The following ADAM28 variants were observed in gnomAD, a reference collection of about 807,000 sequenced individuals.
The protein encoded by ADAM28 is ADAM metallopeptidase domain 28.
In ADAM28, 105 loss-of-function variants were observed where a neutral mutation model predicts 101.2. The observed-to-expected ratio is 1.04, with a 90% CI of 0.89 to 1.22. The LOEUF is 1.22. ADAM28 is among the 50% of genes most tolerant of loss of function. ADAM28 has a pLI of 0.00. For missense variants in ADAM28, 1,028 were observed against 945.4 expected (o/e 1.09, Z -1.15); for synonymous variants, 322 against 310.6 (o/e 1.04, Z -0.39).
intron 8 of ADAM28, among the ~76,000 whole-genome samples, chr8:24,322,876 T>C (rs1249344498): frequency 6.6e-6 from 1 of 151,986 alleles, no homozygotes; most frequent in East Asian, 1.9e-4. Flanking sequence ...TTAGAAACTA[T>C]AGTAGTAATT....
chr8:24,304,206 A>T (rs1809238423), intron 2 of ADAM28, among the ~76,000 whole-genome samples: 1 of 149,518 alleles, frequency 6.7e-6, no homozygotes, highest in Non-Finnish European at 1.5e-5. Flanking sequence ...AAAGCCATAG[A>T]CTAGTTACTG....
rs1262247024 is a variant in ADAM28 at position 24,298,191 on chromosome 8, T to TA, written c.47-1775dup. Among the ~76,000 whole-genome samples the TA allele has an allele frequency of 4.6e-5, 7 of 151,904 alleles. No homozygotes were observed. The South Asian group carries it at 6.2e-4, about 14-fold the overall frequency. On this transcript the variant is annotated intron_variant, in intron 1 of 22. Transcript: ENST00000265769. The stretch of plus-strand genomic sequence containing the variant: ...AAACTATTTAAAGACTCAAACCAAA[T>TA]AAAAAAAATAAGGTATTCTAATGTC...
intron 6 of ADAM28, among the ~76,000 whole-genome samples, chr8:24,319,554 A>T (rs1811599588): frequency 6.6e-6 from 1 of 151,952 alleles, no homozygotes; most frequent in South Asian, 2.1e-4. Flanking sequence ...TTGTAATCGA[A>T]CTTTAGTTAC....
chr8:24,309,572 G>A (rs369308957), intron 2 of ADAM28, among the ~76,000 whole-genome samples: 11 of 152,084 alleles, frequency 7.2e-5, no homozygotes, highest in Admixed American at 3.9e-4. Context: ...CTGACAGTAC[G>A]TACCAATTTT....
At chr8:24,341,557 T>G in intron 15 of ADAM28, 41 bp from the exon 16 acceptor site, 1 of 1,594,162 alleles carries the variant, frequency 6.3e-7, no homozygotes, top group Non-Finnish European at 8.6e-7. Context: ...TATGTAAAAC[T>G]GCAATTTGAA....
At chr8:24,311,755 A>G (rs1563277830) in intron 5 of ADAM28, among the ~76,000 whole-genome samples, 1 of 151,918 alleles carries the variant, frequency 6.6e-6, no homozygotes, top group Admixed American at 6.6e-5. Flanking sequence ...TTACTCATTG[A>G]TTTAGATGGA....
At chr8:24,353,653 G>T in intron 21 of ADAM28, 117 bp from the exon 22 acceptor site, 2 of 745,300 alleles carry the variant, frequency 2.7e-6, no homozygotes, top group South Asian at 3.6e-5. Context: ...AAGTTGGGTA[G>T]AATTTAAATG....
Position 24,350,090 on chromosome 8 carries a change from T to C in ADAM28, c.2099+118T>C, listed in dbSNP as rs1815898333. 8.6e-6 allele frequency: 7 copies of C among 815,680 alleles called. No homozygotes were observed. In the East Asian group the frequency reaches 2.0e-4, roughly 23 times the overall value. 50.5% of individuals were successfully genotyped at this position (815,680 alleles called of 1,614,324 possible). On this transcript the variant is annotated intron_variant, in intron 19 of 22. Transcript: ENST00000265769. ...TTGGTTTACTTCTAATATTCAGAAA[T>C]ACATGCAGATGGTCTTTTTGGACGA...
At chr8:24,301,931 G>A (rs1410393548) in intron 2 of ADAM28, among the ~76,000 whole-genome samples, 3 of 152,016 alleles carry the variant, frequency 2.0e-5, no homozygotes, top group South Asian at 2.1e-4. Flanking sequence ...ATAACTTTTT[G>A]TCTTTTTGAA....
chr8:24,316,192 A>T (rs1348679003), intron 6 of ADAM28, among the ~76,000 whole-genome samples: 2 of 151,920 alleles, frequency 1.3e-5, no homozygotes, highest in African/African-American at 4.8e-5. Flanking sequence ...GCAGCTAGGA[A>T]CATGTTTTTC....
At chr8:24,343,450 G>A (rs1016898756) in intron 17 of ADAM28, 56 bp from the exon 18 acceptor site, 9 of 1,536,262 alleles carry the variant, frequency 5.9e-6, no homozygotes, top group Admixed American at 1.7e-5. Flanking sequence ...GATGAGTAGG[G>A]CCTTGAGTTT....
Position 24,323,824 on chromosome 8 carries a change from C to A in ADAM28, c.721-10C>A, listed in dbSNP as rs200414893. The A allele has an allele frequency of 4.0e-5, 64 of 1,596,400 alleles. No individual in the cohort carries two copies. The highest frequency in any genetic ancestry group is 1.8e-5 in the Admixed American group (1 of 56,780). ...AATTAATTGCTTTGCCATTTATTTT[C>A]TTTGGACAGCTTTATAAAAAGCTCA... On this transcript the variant is annotated splice_polypyrimidine_tract_variant and intron_variant, in intron 8 of 22. Coordinates refer to ENST00000265769, the MANE Select transcript of ADAM28 (RefSeq NM_014265.6).
chr8:24,310,673 G>A (rs1427270721), intron 4 of ADAM28, among the ~76,000 whole-genome samples: 1 of 152,088 alleles, frequency 6.6e-6, no homozygotes, highest in Non-Finnish European at 1.5e-5. Context: ...CTTAGACTGA[G>A]CAGATGACAG....
At chr8:24,336,472 C>T (rs1814074775) in intron 14 of ADAM28, among the ~76,000 whole-genome samples, 1 of 148,168 alleles carries the variant, frequency 6.7e-6, no homozygotes, top group Non-Finnish European at 1.5e-5. Context: ...CCCAGCTACT[C>T]GGGAGGCTGA....
chr8:24,299,091 G>C (rs979896211), intron 1 of ADAM28, among the ~76,000 whole-genome samples: 2 of 152,086 alleles, frequency 1.3e-5, no homozygotes, highest in Admixed American at 1.3e-4. Flanking sequence ...TACTCTGGAG[G>C]CTGAGGTGGA....
rs1816655649 is a variant in ADAM28 at position 24,355,945 on chromosome 8, T to C, written c.*1541T>C. ...TTCTTGTATTTGTCTGCTTCACCCA[T>C]TTCTATCAATCACTTACCTGGTCCC... On this transcript the variant is annotated 3_prime_UTR_variant, in exon 23 of 23. Transcript: ENST00000265769. 2 of 152,172 alleles carry C rather than the reference T, an allele frequency of 1.3e-5. No individual in the cohort carries two copies. Among genetic ancestry groups the C allele is most frequent in the African/African-American group, 2.4e-5 (1 of 41,434 alleles). The allele number at this position is 152,172 out of a possible 1,614,324, so 9.4% of individuals were successfully genotyped here.
intron 11 of ADAM28, 26 bp downstream of exon 11, chr8:24,330,141 A>C: frequency 6.2e-7 from 1 of 1,606,650 alleles, no homozygotes. Flanking sequence ...CCCTGGGGAC[A>C]TGCTATGTAG....
rs997301932 is a variant in ADAM28, at chr8:24,352,002, C to A, written c.2194C>A (p.Pro732Thr). Residue 732 changes from proline (P) to threonine (T), a missense_variant, in exon 21 of 23, where the codon CCC becomes ACC. Pro to Thr is a conservative substitution (Grantham distance 38, BLOSUM62 -1). Coordinates refer to ENST00000265769, the MANE Select transcript of ADAM28 (RefSeq NM_014265.6). ...VQPQEMSQMKPHVYDLPVEGN... is the reference protein window; with the variant it reads ...VQPQEMSQMKTHVYDLPVEGN... Reference sequence around the variant, plus strand: ...TTCTTTTCAGATGAGTCAGATGAAGCCCCATGTGTATGATCTGCCAGTAGA... The same window carrying A: ...TTCTTTTCAGATGAGTCAGATGAAGACCCATGTGTATGATCTGCCAGTAGA... The A allele has an allele frequency of 6.2e-7, 1 of 1,613,482 alleles. No homozygotes were observed. Among genetic ancestry groups the A allele is most frequent in the South Asian group, 1.1e-5 (1 of 91,076 alleles).
Position 24,311,427 on chromosome 8 carries a change from A to G in ADAM28, c.373A>G (p.Arg125Gly), listed in dbSNP as rs1213046443. 4.3e-6 allele frequency: 7 copies of G among 1,612,544 alleles called. No homozygotes were observed. Among genetic ancestry groups the G allele is most frequent in the African/African-American group, 1.3e-5 (1 of 74,836 alleles). ...TTCTGACGCTAGCATCAGCACATGT[A>G]GGGGTCTAAGGTAAGACTTCAGGAA... ...KVSDASISTC[R>G]GLRGYFSQGD... The change falls in exon 5 of 23, where the codon AGG becomes GGG. Residue 125 changes from arginine (R) to glycine (G), a missense_variant. Physicochemically the swap from Arg to Gly is moderately radical, Grantham distance 125 (BLOSUM62 -2). Coordinates refer to ENST00000265769, the MANE Select transcript of ADAM28 (RefSeq NM_014265.6).
Sources: allele counts gnomAD v4.1 joint callset (sites outside exome capture counted in the v4.1 genomes callset), GRCh38; gene constraint gnomAD v4.1.1; transcripts MANE v1.5; gene names NCBI Gene and HGNC (gene_info 2026-07-23, HGNC 2026-07-21).